Variants in ABHD12 observed in about 807,000 individuals in gnomAD.
ABHD12 encodes the protein lysophosphatidylserine lipase ABHD12.
Under a neutral mutation model 58.3 loss-of-function variants are expected in ABHD12, and 43 were observed. The observed-to-expected ratio is 0.74, with a 90% CI of 0.58 to 0.95. ABHD12 has a LOEUF of 0.95. Among genes scored for constraint, ABHD12 ranks in the 40% least tolerant of loss-of-function variants. The probability of loss-of-function intolerance (pLI) is 0.00; values close to 1 mark genes in which losing one functional copy is unlikely to be tolerated. For missense variants in ABHD12, 539 were observed against 537.2 expected (o/e 1.00, Z -0.03); for synonymous variants, 219 against 211.2 (o/e 1.04, Z -0.32).
intron 1 of ABHD12, among the ~76,000 whole-genome samples, chr20:25,340,205 A>T (rs1389394435): frequency 6.6e-6 from 1 of 152,274 alleles, no homozygotes; most frequent in African/African-American, 2.4e-5. Flanking sequence ...AAAGATATTT[A>T]AAAATGTCTA....
intron 1 of ABHD12, among the ~76,000 whole-genome samples, chr20:25,388,333 G>A (rs761757483): frequency 2.4e-4 from 37 of 152,296 alleles, no homozygotes; most frequent in Admixed American, 4.6e-4. Flanking sequence ...TACCTACTAC[G>A]TGCCAGGTAC....
chr20:25,296,340 CAG>C, downstream of ABHD12: 1 of 1,613,438 alleles, frequency 6.2e-7, no homozygotes, highest in South Asian at 1.1e-5. Flanking sequence ...CCTGTGACGC[CAG>C]AGACTAATTT....
chr20:25,311,650 A>G (rs2088851405), intron 6 of ABHD12, among the ~76,000 whole-genome samples: 1 of 152,226 alleles, frequency 6.6e-6, no homozygotes, highest in South Asian at 2.1e-4. Flanking sequence ...GAAGGCAGCC[A>G]GCCACGTTGC....
intron 1 of ABHD12, among the ~76,000 whole-genome samples, chr20:25,361,028 C>G (rs1343685921): frequency 6.6e-6 from 1 of 152,242 alleles, no homozygotes; most frequent in Non-Finnish European, 1.5e-5. Context: ...TTCCGCAGCT[C>G]TCAGAGAGCT....
Position 25,322,381 on chromosome 20 carries a change from A to ATATATATATATATATAT in ABHD12, c.422+943_422+944insATATATATATATATATA. Among the ~76,000 whole-genome samples, 71 of 59,256 alleles carry ATATATATATATATATAT rather than the reference A, an allele frequency of 1.2e-3. 1 individual carries two copies. The highest frequency in any genetic ancestry group is 5.7e-3 in the African/African-American group (69 of 12,084). 38.9% of individuals were successfully genotyped at this position (59,256 alleles called of 152,430 possible). ...GGAAAAGATATATATATATATATATATTTTTTTTTTTTTTTGAGACAAGAG... is the reference window on the plus strand; with the variant it reads ...GGAAAAGATATATATATATATATATATATATATATATATATATTTTTTTTTTTTTTTTGAGACAAGAG... On this transcript the variant is annotated intron_variant, in intron 3 of 12. Transcript: ENST00000339157.
chr20:25,295,549 C>T (rs569830803), downstream of ABHD12: 3 of 1,548,160 alleles, frequency 1.9e-6, no homozygotes, highest in African/African-American at 1.4e-5. Flanking sequence ...CCCCTCGGGA[C>T]AGTGTGGGCA....
At chr20:25,372,739 A>C (rs1347193688) in intron 1 of ABHD12, among the ~76,000 whole-genome samples, 3 of 152,188 alleles carry the variant, frequency 2.0e-5, no homozygotes, top group Non-Finnish European at 4.4e-5. Context: ...CCTATTGCCT[A>C]ATGTCATGGC....
chr20:25,350,038 T>A (rs115474131), intron 1 of ABHD12, among the ~76,000 whole-genome samples: 1,692 of 152,306 alleles, frequency 0.011, 31 homozygotes, highest in African/African-American at 0.036. Context: ...AAGAGGGGCT[T>A]ACAAAGTTAG....
chr20:25,318,126 G>C (rs1315128987), intron 4 of ABHD12, among the ~76,000 whole-genome samples: 5 of 152,160 alleles, frequency 3.3e-5, no homozygotes, highest in Non-Finnish European at 7.3e-5. Flanking sequence ...AGACCAGCCT[G>C]GTCAAATGGT....
chr20:25,296,248 C>G (rs2088542083), downstream of ABHD12: 1 of 1,230,064 alleles, frequency 8.1e-7, no homozygotes, highest in East Asian at 2.4e-5. Context: ...TCCTCCTCTT[C>G]CAGCGGATGG....
At chr20:25,374,691 GGTTTC>G (rs1399908435) in intron 1 of ABHD12, among the ~76,000 whole-genome samples, 1 of 152,092 alleles carries the variant, frequency 6.6e-6, no homozygotes, top group African/African-American at 2.4e-5. Flanking sequence ...CAGGACACAG[GGTTTC>G]TCCATGTTGG....
chr20:25,349,622 T>G (rs1228324844), intron 1 of ABHD12, among the ~76,000 whole-genome samples: 1 of 152,256 alleles, frequency 6.6e-6, no homozygotes, highest in Non-Finnish European at 1.5e-5. Context: ...TAAAACATTA[T>G]GCTAAGTGAA....
chr20:25,365,626 A>G (rs2089809614), intron 1 of ABHD12, among the ~76,000 whole-genome samples: 1 of 152,226 alleles, frequency 6.6e-6, no homozygotes, highest in African/African-American at 2.4e-5. Context: ...CATCTATATT[A>G]TTAAAAGATT....
At chr20:25,384,253 G>C (rs749788761) in intron 1 of ABHD12, among the ~76,000 whole-genome samples, 3 of 151,126 alleles carry the variant, frequency 2.0e-5, no homozygotes, top group Non-Finnish European at 4.4e-5. Context: ...GTACAGAGTT[G>C]ACCTATGAAT....
intron 1 of ABHD12, among the ~76,000 whole-genome samples, chr20:25,354,007 G>A (rs1013407802): frequency 1.2e-4 from 19 of 152,204 alleles, no homozygotes; most frequent in African/African-American, 4.6e-4. Context: ...CTTCGCAGTG[G>A]TCTTTGTATA....
At chr20:25,375,750 T>C (rs2089954483) in intron 1 of ABHD12, among the ~76,000 whole-genome samples, 1 of 152,250 alleles carries the variant, frequency 6.6e-6, no homozygotes, top group Non-Finnish European at 1.5e-5. Context: ...TCGTTTTTGT[T>C]GTGGCTGCTA....
chr20:25,320,214 C>A lies in ABHD12; in HGVS notation c.527G>T (p.Gly176Val), dbSNP rs1305643306. ...SSHPIILYLH[G>V]NAGTRGGDHR... Reference sequence around the variant, plus strand: ...TCTCCCTCACCTGGTACCTGCGTTCCCATGCAGGTACAGAATGATAGGGTG... The same window carrying A: ...TCTCCCTCACCTGGTACCTGCGTTCACATGCAGGTACAGAATGATAGGGTG... Residue 176 changes from glycine to valine, a missense_variant, in exon 4 of 13, where the codon GGG becomes GTG. Transcript: ENST00000339157. The A allele has an allele frequency of 3.7e-6, 6 of 1,613,930 alleles. No individual in the cohort carries two copies. The highest frequency in any genetic ancestry group is 5.1e-6 in the Non-Finnish European group (6 of 1,180,024).
intron 10 of ABHD12, among the ~76,000 whole-genome samples, chr20:25,305,964 G>A (rs1377810168): frequency 6.6e-6 from 1 of 151,998 alleles, no homozygotes; most frequent in African/African-American, 2.4e-5. Flanking sequence ...TCAGGAGTTC[G>A]AGACCAGCCC....
At chr20:25,365,615 G>A (rs2089809410) in intron 1 of ABHD12, among the ~76,000 whole-genome samples, 1 of 152,292 alleles carries the variant, frequency 6.6e-6, no homozygotes, top group Admixed American at 6.5e-5. Flanking sequence ...AAGAGTAAGT[G>A]CATCTATATT....
Sources: allele counts gnomAD v4.1 joint callset (sites outside exome capture counted in the v4.1 genomes callset), GRCh38; gene constraint gnomAD v4.1.1; transcripts MANE v1.5; gene names NCBI Gene and HGNC (gene_info 2026-07-23, HGNC 2026-07-21).